Variants in ADCY2 observed in about 807,000 individuals in gnomAD.
ADCY2 encodes adenylate cyclase 2.
In ADCY2, 31 loss-of-function variants were observed where a neutral mutation model predicts 125.2. That is an observed-to-expected ratio of 0.25 (90% CI 0.19 to 0.33). The LOEUF (loss-of-function observed/expected upper bound fraction) is 0.33, where lower values mean the gene tolerates loss of function less well. Among genes scored for constraint, ADCY2 ranks in the 10% least tolerant of loss-of-function variants. ADCY2 has a pLI of 1.00. For missense variants in ADCY2, 904 were observed against 1,418.2 expected (o/e 0.64, Z 5.82); for synonymous variants, 512 against 548.4 (o/e 0.93, Z 0.93).
At chr5:7,660,233 AGGG>A (rs1739474311) in intron 4 of ADCY2, among the ~76,000 whole-genome samples, 1 of 132,922 alleles carries the variant, frequency 7.5e-6, no homozygotes, top group Non-Finnish European at 1.6e-5. Context: ...GGAGGGAGGG[AGGG>A]AGAGAAGGAA....
At chr5:7,825,794 G>C (rs11960468) in intron 24 of ADCY2, among the ~76,000 whole-genome samples, 5,362 of 152,248 alleles carry the variant, frequency 0.035, 324 homozygotes, top group African/African-American at 0.12. Context: ...GCAGGCGCGG[G>C]CCCACAGTCC....
rs1474980817 is a variant in ADCY2 at position 7,484,420 on chromosome 5, T to C, written c.409-36318T>C. Among the ~76,000 whole-genome samples, 14 of 152,320 alleles carry C rather than the reference T, an allele frequency of 9.2e-5. 1 individual carries two copies. In the East Asian group the frequency reaches 2.7e-3, roughly 29 times the overall value. On this transcript the variant is annotated intron_variant, in intron 2 of 24. Transcript: ENST00000338316. ...TAATGAAATTGTGTGAGTGTGCCTG[T>C]TGATCTAAAGGAAGCCTTGAATGAA... is the stretch of plus-strand genomic sequence containing the variant.
chr5:7,764,325 T>G (rs1177946133), intron 16 of ADCY2, among the ~76,000 whole-genome samples: 14 of 152,238 alleles, frequency 9.2e-5, no homozygotes, highest in Non-Finnish European at 2.1e-4. Context: ...ATTTTGAGAA[T>G]GTTGTCACTT....
Position 7,825,227 on chromosome 5 carries a change from G to A in ADCY2, c.3124-1492G>A, listed in dbSNP as rs942658275. 2.0e-5 allele frequency among the ~76,000 whole-genome samples: 3 copies of A among 151,246 alleles called. No individual in the cohort carries two copies. The South Asian group carries it at 6.3e-4, about 32-fold the overall frequency. ...CCACGACAACGCTGCTGTGCGCCAC[G>A]ACAACGCTGCTGTGTGACATGACAA... On this transcript the variant is annotated intron_variant, in intron 24 of 24. Transcript: ENST00000338316.
chr5:7,646,216 A>G (rs1030193413), intron 4 of ADCY2, among the ~76,000 whole-genome samples: 1 of 152,090 alleles, frequency 6.6e-6, no homozygotes, highest in African/African-American at 2.4e-5. Flanking sequence ...TGTTAATTAA[A>G]ACAGCAAGAA....
chr5:7,735,674 C>A (rs1205152411), intron 14 of ADCY2, among the ~76,000 whole-genome samples: 3 of 152,028 alleles, frequency 2.0e-5, no homozygotes, highest in Non-Finnish European at 4.4e-5. Context: ...TTGGGTAAAC[C>A]CCACTTGGTA....
chr5:7,405,148 A>G (rs1025121802), intron 1 of ADCY2, among the ~76,000 whole-genome samples: 1 of 152,194 alleles, frequency 6.6e-6, no homozygotes, highest in Non-Finnish European at 1.5e-5. Context: ...TGTCAAGCAT[A>G]CATGGGATGA....
At chr5:7,763,354 G>A (rs1743291933) in intron 16 of ADCY2, among the ~76,000 whole-genome samples, 1 of 151,738 alleles carries the variant, frequency 6.6e-6, no homozygotes, top group African/African-American at 2.4e-5. Flanking sequence ...GCCTCCCAAA[G>A]TGCTGGGATG....
chr5:7,727,729 C>G lies in ADCY2; in HGVS notation c.1871+468C>G, dbSNP rs1406771153. ...TACACGGCCCTCTCTTCTCTGAAAT[C>G]CACTCTGCAGCCGTCTTTGATTGTT... On this transcript the variant is annotated intron_variant, in intron 14 of 24. Coordinates refer to ENST00000338316, the MANE Select transcript of ADCY2 (RefSeq NM_020546.3). 2.0e-5 allele frequency among the ~76,000 whole-genome samples: 3 copies of G among 152,102 alleles called. No individual in the cohort carries two copies. The East Asian group carries it at 5.9e-4, about 30-fold the overall frequency.
chr5:7,400,532 T>C (rs1739224284), intron 1 of ADCY2, among the ~76,000 whole-genome samples: 3 of 152,238 alleles, frequency 2.0e-5, no homozygotes, highest in African/African-American at 7.2e-5. Flanking sequence ...CAACCAACTT[T>C]ATTATTCCAG....
In ADCY2 at chr5:7,499,664, TATATA is replaced by T. The variant is rs1561059032; in HGVS notation, c.409-21073_409-21069del. The stretch of plus-strand genomic sequence containing the variant: ...ATGTGGGTGGATATATATATATATA[TATATA>T]TATATATATATATGTATATATATGT... On this transcript the variant is annotated intron_variant, in intron 2 of 24. Coordinates refer to ENST00000338316, the MANE Select transcript of ADCY2 (RefSeq NM_020546.3). Among the ~76,000 whole-genome samples the T allele has an allele frequency of 3.1e-3, 376 of 120,034 alleles. 5 individuals are homozygous for T. The highest frequency in any genetic ancestry group is 3.4e-3 in the Non-Finnish European group (167 of 49,838). 78.7% of individuals were successfully genotyped at this position (120,034 alleles called of 152,430 possible).
chr5:7,552,306 T>A (rs1735369167), intron 3 of ADCY2, among the ~76,000 whole-genome samples: 1 of 152,180 alleles, frequency 6.6e-6, no homozygotes, highest in Non-Finnish European at 1.5e-5. Context: ...AAAAAATCCA[T>A]CTGAAAATGA....
intron 18 of ADCY2, 44 bp downstream of exon 18, chr5:7,773,145 G>T (rs779271657): frequency 5.0e-6 from 8 of 1,587,880 alleles, no homozygotes; most frequent in Non-Finnish European, 6.9e-6. Flanking sequence ...TTCTTTCCCA[G>T]CCTGTGGATA....
Position 7,507,636 on chromosome 5 carries a change from ACTTT to A in ADCY2, c.409-13093_409-13090del, listed in dbSNP as rs1206886109. Among the ~76,000 whole-genome samples, 6 of 152,218 alleles carry A rather than the reference ACTTT, an allele frequency of 3.9e-5. No homozygotes were observed. The South Asian group carries it at 6.2e-4, about 16-fold the overall frequency. ...GCTTTACCTCGTTGCTTCCAAATAA[ACTTT>A]CTTTCTTTGCATTTGATGAGAAAGG... On this transcript the variant is annotated intron_variant, in intron 2 of 24. Coordinates refer to ENST00000338316, the MANE Select transcript of ADCY2 (RefSeq NM_020546.3).
intron 20 of ADCY2, chr5:7,795,616 C>T (rs1744395419): frequency 6.6e-6 from 1 of 152,246 alleles, no homozygotes; most frequent in African/African-American, 2.4e-5. Flanking sequence ...GCATCCACCA[C>T]ACTAATCCAT....
In ADCY2 at chr5:7,830,053, C is replaced by A. The variant is rs1431150811; in HGVS notation, c.*3182C>A. 2 of 151,604 alleles carry A rather than the reference C, an allele frequency of 1.3e-5. No individual in the cohort carries two copies. Among genetic ancestry groups the A allele is most frequent in the African/African-American group, 4.9e-5 (2 of 41,164 alleles). 9.4% of individuals were successfully genotyped at this position (151,604 alleles called of 1,614,324 possible). On this transcript the variant is annotated 3_prime_UTR_variant, in exon 25 of 25. Coordinates refer to ENST00000338316, the MANE Select transcript of ADCY2 (RefSeq NM_020546.3). ...CTTGATTATACCACTGCACTCCAGC[C>A]TGGGTGACAGAGCGAGACTCTGTCT...
At chr5:7,646,617 G>A (rs1368453864) in intron 4 of ADCY2, among the ~76,000 whole-genome samples, 1 of 152,070 alleles carries the variant, frequency 6.6e-6, no homozygotes, top group African/African-American at 2.4e-5. Flanking sequence ...TTCCGTCTAT[G>A]TGCAATGAAA....
At chr5:7,815,129 C>T (rs901062678) in intron 22 of ADCY2, among the ~76,000 whole-genome samples, 4 of 152,188 alleles carry the variant, frequency 2.6e-5, no homozygotes, top group Non-Finnish European at 4.4e-5. Flanking sequence ...CTAACCAGTC[C>T]GTGTCTGCAT....
At chr5:7,555,424 T>C (rs190484191) in intron 3 of ADCY2, among the ~76,000 whole-genome samples, 9 of 152,344 alleles carry the variant, frequency 5.9e-5, no homozygotes, top group East Asian at 1.9e-4. Context: ...TTTTGGCAAA[T>C]TGTTCAGATC....
Sources: gnomAD v4.1 joint callset for allele counts (sites outside exome capture counted in the v4.1 genomes callset) on GRCh38, gnomAD v4.1.1 for gene constraint, MANE v1.5 for transcripts, NCBI Gene and HGNC (gene_info 2026-07-23, HGNC 2026-07-21) for gene names.